Variants in ARHGAP10 observed in about 807,000 individuals in gnomAD.
The protein encoded by ARHGAP10 is Rho GTPase activating protein 10, also known as rho GTPase-activating protein 10.
ARHGAP10 carries 87 observed loss-of-function variants against 108.6 expected under a neutral mutation model. That is an observed-to-expected ratio of 0.80 (90% CI 0.67 to 0.96). ARHGAP10 has a LOEUF of 0.96. Among genes scored for constraint, ARHGAP10 ranks in the 40% least tolerant of loss-of-function variants. ARHGAP10 has a pLI of 0.00. For missense variants in ARHGAP10, 939 were observed against 954.5 expected, an observed-to-expected ratio of 0.98 and a Z score of 0.21; for synonymous variants, 347 against 341.1, an observed-to-expected ratio of 1.02 and a Z score of -0.19.
intron 20 of ARHGAP10, among the ~76,000 whole-genome samples, chr4:148,050,811 C>T (rs1418001237): frequency 6.6e-6 from 1 of 152,146 alleles, no homozygotes; most frequent in Non-Finnish European, 1.5e-5. Context: ...CTTGTCTTTT[C>T]CCCCTTTATC....
chr4:147,905,583 T>C (rs1165326708), intron 10 of ARHGAP10, among the ~76,000 whole-genome samples: 1 of 127,120 alleles, frequency 7.9e-6, no homozygotes, highest in East Asian at 2.2e-4. Flanking sequence ...TTCTGTTCCA[T>C]TGATCTATAT....
At chr4:147,948,673 T>C (rs925414016) in intron 15 of ARHGAP10, among the ~76,000 whole-genome samples, 2 of 152,078 alleles carry the variant, frequency 1.3e-5, no homozygotes, top group African/African-American at 2.4e-5. Flanking sequence ...GAATGCATTG[T>C]AGGCCGGGCG....
chr4:147,985,994 T>C (rs902191722), intron 18 of ARHGAP10, among the ~76,000 whole-genome samples: 1 of 152,204 alleles, frequency 6.6e-6, no homozygotes, highest in Admixed American at 6.5e-5. Context: ...TGTCCTTTGC[T>C]GTTGAAGTGG....
intron 1 of ARHGAP10, among the ~76,000 whole-genome samples, chr4:147,792,064 C>T (rs927866136): frequency 5.3e-5 from 8 of 152,188 alleles, no homozygotes; most frequent in African/African-American, 1.4e-4. Flanking sequence ...TGTGGTAGCA[C>T]GTGAGCGTCT....
intron 1 of ARHGAP10, among the ~76,000 whole-genome samples, chr4:147,741,710 G>C (rs879461605): frequency 4.2e-4 from 63 of 150,956 alleles, no homozygotes; most frequent in African/African-American, 6.8e-4. Flanking sequence ...CACACACACA[G>C]AGAAAAACAC....
intron 1 of ARHGAP10, among the ~76,000 whole-genome samples, chr4:147,776,964 G>T (rs1431196669): frequency 1.3e-5 from 2 of 152,188 alleles, no homozygotes; most frequent in African/African-American, 4.8e-5. Flanking sequence ...CTGGTGGCCT[G>T]CAGTGACATT....
At chr4:147,982,212 A>T (rs1421514846) in intron 18 of ARHGAP10, among the ~76,000 whole-genome samples, 1 of 151,936 alleles carries the variant, frequency 6.6e-6, no homozygotes, top group Admixed American at 6.6e-5. Flanking sequence ...TGTCATTCTG[A>T]TGGGTTTCTT....
At chr4:147,876,320 C>T (rs1478442453) in intron 8 of ARHGAP10, among the ~76,000 whole-genome samples, 1 of 152,124 alleles carries the variant, frequency 6.6e-6, no homozygotes, top group African/African-American at 2.4e-5. Context: ...GGGCTGGGCG[C>T]GGTGGCTCAC....
At chr4:148,037,212 T>C (rs1270226162) in intron 19 of ARHGAP10, among the ~76,000 whole-genome samples, 1 of 152,208 alleles carries the variant, frequency 6.6e-6, no homozygotes, top group African/African-American at 2.4e-5. Context: ...TAAGCTGTTC[T>C]GGAAGTCATG....
rs184583300 is a variant in ARHGAP10 at position 147,873,504 on chromosome 4, A to C, written c.703-1517A>C. ...TCTCAGCAAAATGACCAAGGAGGGGAATAAAGTCAGGGTGAAATTATTACA... is the reference window on the plus strand; with the variant it reads ...TCTCAGCAAAATGACCAAGGAGGGGCATAAAGTCAGGGTGAAATTATTACA... On this transcript the variant is annotated intron_variant, in intron 7 of 22. Coordinates refer to ENST00000336498, the MANE Select transcript of ARHGAP10 (RefSeq NM_024605.4). Among the ~76,000 whole-genome samples, 214 of 151,842 alleles carry C rather than the reference A, an allele frequency of 1.4e-3. 1 individual carries two copies. Among genetic ancestry groups the C allele is most frequent in the Admixed American group, 2.4e-3 (37 of 15,230 alleles).
intron 10 of ARHGAP10, among the ~76,000 whole-genome samples, chr4:147,887,292 G>A (rs964810510): frequency 5.3e-5 from 8 of 152,000 alleles, no homozygotes; most frequent in African/African-American, 1.9e-4. Flanking sequence ...CCTGATGGAG[G>A]CCAACTCCTC....
At chr4:147,874,994 T>G (rs1014302106) in intron 7 of ARHGAP10, 27 bp from the exon 8 acceptor site, 6 of 1,548,924 alleles carry the variant, frequency 3.9e-6, no homozygotes, top group Non-Finnish European at 5.2e-6. Flanking sequence ...AACTTAACAT[T>G]TATGTGTGTT....
At chr4:148,069,353 G>T (rs1657694244) in intron 22 of ARHGAP10, among the ~76,000 whole-genome samples, 1 of 152,166 alleles carries the variant, frequency 6.6e-6, no homozygotes, top group Non-Finnish European at 1.5e-5. Flanking sequence ...CTGTAAAGCA[G>T]TGACATCTCT....
intron 10 of ARHGAP10, among the ~76,000 whole-genome samples, chr4:147,895,574 A>T (rs926269036): frequency 1.3e-5 from 2 of 149,974 alleles, no homozygotes; most frequent in Non-Finnish European, 3.0e-5. Flanking sequence ...AGTCCCAGCT[A>T]CTCAGGAGGC....
intron 18 of ARHGAP10, among the ~76,000 whole-genome samples, chr4:148,004,478 A>G (rs1280718796): frequency 2.6e-5 from 4 of 152,194 alleles, no homozygotes; most frequent in Non-Finnish European, 1.5e-5. Flanking sequence ...GATTCTACCC[A>G]GTAGAATACA....
chr4:147,892,679 CAG>C (rs1735833582), intron 10 of ARHGAP10, among the ~76,000 whole-genome samples: 1 of 152,038 alleles, frequency 6.6e-6, no homozygotes, highest in African/African-American at 2.4e-5. Flanking sequence ...TTTGGAGACT[CAG>C]AGGAAGGGGG....
intron 1 of ARHGAP10, among the ~76,000 whole-genome samples, chr4:147,765,960 A>G (rs1368900115): frequency 2.0e-5 from 3 of 152,048 alleles, no homozygotes; most frequent in African/African-American, 7.2e-5. Context: ...TGAATACCCA[A>G]ATCTGCAGAT....
At chr4:148,037,750 G>T (rs943987735) in intron 19 of ARHGAP10, among the ~76,000 whole-genome samples, 2 of 151,648 alleles carry the variant, frequency 1.3e-5, no homozygotes, top group African/African-American at 2.4e-5. Context: ...TACGAGAATC[G>T]CTTGAACCCA....
At chr4:147,939,995 C>A in intron 14 of ARHGAP10, 96 bp downstream of exon 14, 1 of 1,163,334 alleles carries the variant, frequency 8.6e-7, no homozygotes, top group Non-Finnish European at 1.2e-6. Context: ...GAATACTTGT[C>A]ATTCCATTCC....
Sources: gnomAD v4.1 joint callset for allele counts (sites outside exome capture counted in the v4.1 genomes callset) on GRCh38, gnomAD v4.1.1 for gene constraint, MANE v1.5 for transcripts, NCBI Gene and HGNC (gene_info 2026-07-23, HGNC 2026-07-21) for gene names.